ADGRG6: variants seen among roughly 807,000 people sequenced by gnomAD.
ADGRG6 encodes the protein adhesion G protein-coupled receptor G6, also known as G-protein coupled receptor 126.
A neutral mutation model predicts 142.4 loss-of-function variants in ADGRG6; 84 were observed. The ratio of observed to expected loss-of-function variants is 0.59; its 90% CI spans 0.49 to 0.71. The LOEUF (loss-of-function observed/expected upper bound fraction) is 0.71. Among genes scored for constraint, ADGRG6 ranks in the 30% least tolerant of loss-of-function variants. ADGRG6 has a pLI of 0.00. For synonymous variants in ADGRG6, 521 were observed against 520.5 expected (o/e 1.00, Z -0.01); for missense variants, 1,367 against 1,466.6 (o/e 0.93, Z 1.11).
rs757051854 is a variant in ADGRG6 at position 142,408,151 on chromosome 6, A to T, written c.2270A>T (p.Asp757Val). 6.4e-7 allele frequency: 1 copy of T among 1,571,896 alleles called. No homozygotes were observed. Among genetic ancestry groups the T allele is most frequent in the East Asian group, 2.3e-5 (1 of 43,472 alleles). The change falls in exon 16 of 25, where the codon GAT (aspartate) becomes GTT (valine). Residue 757 changes from aspartate (D) to valine (V), a missense_variant and splice_region_variant. Physicochemically the swap from Asp to Val is radical, Grantham distance 152. Coordinates refer to ENST00000367609, the MANE Select transcript of ADGRG6 (RefSeq NM_198569.3). ...TFFNKTGLFQ[D>V]VGPQRKTLVS... ...ACGCGATTTTTTTTTCTTTAAAAGG[A>T]TGTAGGACCCCAAAGAAAAACTTTA...
chr6:142,426,510 G>A (rs1776955187), intron 22 of ADGRG6, among the ~76,000 whole-genome samples: 1 of 152,154 alleles, frequency 6.6e-6, no homozygotes, highest in South Asian at 2.1e-4. Context: ...CCTCACAGCT[G>A]CTTTCACAGG....
At chr6:142,355,399 A>C (rs561331680) in intron 2 of ADGRG6, among the ~76,000 whole-genome samples, 1 of 152,282 alleles carries the variant, frequency 6.6e-6, no homozygotes, top group Non-Finnish European at 1.5e-5. Context: ...GAACATCCCT[A>C]CTTGATATTC....
At chr6:142,385,906 A>C (rs1781995350) in intron 6 of ADGRG6, among the ~76,000 whole-genome samples, 2 of 152,214 alleles carry the variant, frequency 1.3e-5, no homozygotes, top group Admixed American at 1.3e-4. Flanking sequence ...AAAGATTCTC[A>C]GGCTTACATT....
At chr6:142,400,011 G>A (rs2115008921) in intron 10 of ADGRG6, among the ~76,000 whole-genome samples, 1 of 152,266 alleles carries the variant, frequency 6.6e-6, no homozygotes, top group South Asian at 2.1e-4. Context: ...CCAGGCAGGA[G>A]AGGCTATCAG....
At chr6:142,330,896 T>C (rs1033278412) in intron 2 of ADGRG6, among the ~76,000 whole-genome samples, 1 of 152,166 alleles carries the variant, frequency 6.6e-6, no homozygotes, top group African/African-American at 2.4e-5. Context: ...TTAGAGTATA[T>C]AATTCTTTCC....
At chr6:142,400,436 T>C in intron 10 of ADGRG6, 49 bp from the exon 11 acceptor site, 1 of 922,724 alleles carries the variant, frequency 1.1e-6, no homozygotes. Flanking sequence ...AATCTCTAAC[T>C]TTAAAAAATA....
At chr6:142,421,338 A>G (rs1259212769) in intron 22 of ADGRG6, among the ~76,000 whole-genome samples, 1 of 152,186 alleles carries the variant, frequency 6.6e-6, no homozygotes, top group African/African-American at 2.4e-5. Context: ...ATTCAGGTTC[A>G]TTGTCTTATA....
chr6:142,320,972 T>C (rs1451919127), intron 2 of ADGRG6, among the ~76,000 whole-genome samples: 1 of 152,004 alleles, frequency 6.6e-6, no homozygotes, highest in African/African-American at 2.4e-5. Context: ...ACAACACATA[T>C]AGATTCTCAT....
In ADGRG6 at chr6:142,393,925, T is replaced by C; in HGVS notation, c.1391T>C (p.Ile464Thr). Residue 464 changes from isoleucine to threonine, a missense_variant, in exon 9 of 25, where the codon ATT becomes ACT. Coordinates refer to ENST00000367609, the MANE Select transcript of ADGRG6 (RefSeq NM_198569.3). ...SFHLSAGEDK[I>T]KVKRSLEDEP... The stretch of plus-strand genomic sequence containing the variant: ...CACCTGAGTGCTGGAGAGGACAAGA[T>C]TAAAGTCAAGAGAAGCCTTGAGGAT... 1.9e-6 allele frequency: 3 copies of C among 1,563,020 alleles called. No individual in the cohort carries two copies. The highest frequency in any genetic ancestry group is 2.4e-5 in the South Asian group (2 of 84,812).
intron 2 of ADGRG6, among the ~76,000 whole-genome samples, chr6:142,343,032 A>T (rs1022715524): frequency 6.6e-6 from 1 of 151,676 alleles, no homozygotes; most frequent in Non-Finnish European, 1.5e-5. Context: ...TATGGTAAAA[A>T]TTTTTTATAA....
intron 22 of ADGRG6, among the ~76,000 whole-genome samples, chr6:142,429,126 A>G (rs1263636284): frequency 1.3e-5 from 2 of 152,202 alleles, no homozygotes; most frequent in African/African-American, 4.8e-5. Context: ...CTATACATTA[A>G]ATGAGTAGAG....
intron 21 of ADGRG6, among the ~76,000 whole-genome samples, chr6:142,418,258 A>G (rs1776469042): frequency 6.7e-6 from 1 of 149,520 alleles, no homozygotes; most frequent in African/African-American, 2.5e-5. Context: ...AGATTGCACC[A>G]TGAACTCCAG....
intron 2 of ADGRG6, among the ~76,000 whole-genome samples, chr6:142,333,995 G>A (rs189704553): frequency 1.0e-3 from 158 of 152,308 alleles, no homozygotes; most frequent in Non-Finnish European, 1.7e-3. Context: ...GGGATGGTAT[G>A]TGGTGTAAAT....
At chr6:142,356,520 T>A (rs1474919588) in intron 2 of ADGRG6, among the ~76,000 whole-genome samples, 1 of 152,214 alleles carries the variant, frequency 6.6e-6, no homozygotes, top group Non-Finnish European at 1.5e-5. Context: ...AAAAAGAGCT[T>A]CTTGCTTCAT....
chr6:142,402,176 G>T, intron 12 of ADGRG6, 118 bp downstream of exon 12: 1 of 557,594 alleles, frequency 1.8e-6, no homozygotes. Flanking sequence ...CATATTAAAA[G>T]GCAAATGATT....
chr6:142,389,424 AC>A (rs1466571417), intron 6 of ADGRG6, among the ~76,000 whole-genome samples: 1 of 151,886 alleles, frequency 6.6e-6, no homozygotes, highest in East Asian at 1.9e-4. Flanking sequence ...TCTGTATCTT[AC>A]CATAATTTAA....
At chr6:142,304,025 G>A (rs1318282133) in intron 1 of ADGRG6, among the ~76,000 whole-genome samples, 1 of 152,034 alleles carries the variant, frequency 6.6e-6, no homozygotes, top group South Asian at 2.1e-4. Flanking sequence ...TTTACCAGAT[G>A]GTAAGTATAT....
chr6:142,439,643 C>T (rs1041923257), intron 24 of ADGRG6, among the ~76,000 whole-genome samples: 2 of 152,084 alleles, frequency 1.3e-5, no homozygotes, highest in African/African-American at 2.4e-5. Flanking sequence ...AATCCAAGAA[C>T]TTGGAGCAAC....
chr6:142,389,991 A>T (rs529228107), intron 6 of ADGRG6, among the ~76,000 whole-genome samples: 21 of 151,900 alleles, frequency 1.4e-4, no homozygotes, highest in Non-Finnish European at 2.8e-4. Flanking sequence ...AATTAAAAAT[A>T]TGAAGAAACA....
Sources: gnomAD v4.1 joint callset for allele counts (sites outside exome capture counted in the v4.1 genomes callset) on GRCh38, gnomAD v4.1.1 for gene constraint, MANE v1.5 for transcripts, NCBI Gene and HGNC (gene_info 2026-07-23, HGNC 2026-07-21) for gene names.